DDHD2: variants seen among roughly 807,000 people sequenced by gnomAD.
The protein encoded by DDHD2 is triacylglycerol hydrolase DDHD2.
In DDHD2, 62 loss-of-function variants were observed where a neutral mutation model predicts 91.2. That is an observed-to-expected ratio of 0.68 (90% CI 0.55 to 0.84). The LOEUF (loss-of-function observed/expected upper bound fraction) is 0.84. Ranked by LOEUF, DDHD2 falls within the 40% of genes least tolerant of loss-of-function variation. The pLI is 0.00. For synonymous variants in DDHD2, 271 were observed against 293.9 expected (o/e 0.92, Z 0.80); for missense variants, 740 against 846.9 (o/e 0.87, Z 1.57).
downstream of DDHD2, chr8:38,266,329 T>C (rs759664256): frequency 6.2e-7 from 1 of 1,601,122 alleles, no homozygotes; most frequent in Admixed American, 1.7e-5. Context: ...AAGAAAAACT[T>C]TTAAGTGGTT....
Position 38,262,167 on chromosome 8 carries a change from T to G in DDHD2, c.*1594T>G, listed in dbSNP as rs1392023903. 2 of 152,180 alleles carry G rather than the reference T, an allele frequency of 1.3e-5. No individual in the cohort carries two copies. Among genetic ancestry groups the G allele is most frequent in the African/African-American group, 4.8e-5 (2 of 41,446 alleles). The allele number at this position is 152,180 out of a possible 1,614,324, so 9.4% of individuals were successfully genotyped here. A position where few individuals can be genotyped will look rare whatever the true frequency, so the allele number is the denominator to read the frequency against. ...CTAAGTTTCAGATATATGGAATACT[T>G]TATTTTTTTAAAGGTATATAAACTC... is the stretch of plus-strand genomic sequence containing the variant. On this transcript the variant is annotated 3_prime_UTR_variant, in exon 18 of 18. Transcript: ENST00000397166.
At chr8:38,240,624 T>A (rs566981814) in intron 6 of DDHD2, among the ~76,000 whole-genome samples, 2 of 152,354 alleles carry the variant, frequency 1.3e-5, no homozygotes, top group Admixed American at 1.3e-4. Flanking sequence ...GATGTGGTGG[T>A]CCTATTTCTA....
At position 38,244,622 on chromosome 8, in the gene DDHD2, A is replaced by G. The variant is rs149066557; in HGVS notation, c.849-1120A>G. ...GCACTGTTGCCTGGGCTGGAGTGCAATGGCACAATTTCGGCTCACTGCAAC... is the reference window on the plus strand; with the variant it reads ...GCACTGTTGCCTGGGCTGGAGTGCAGTGGCACAATTTCGGCTCACTGCAAC... On this transcript the variant is annotated intron_variant, in intron 7 of 17. Transcript: ENST00000397166. Among the ~76,000 whole-genome samples the G allele has an allele frequency of 4.2e-4, 60 of 144,408 alleles. No individual in the cohort carries two copies. The East Asian group carries it at 0.012, about 28-fold the overall frequency. 94.7% of individuals were successfully genotyped at this position (144,408 alleles called of 152,430 possible). A position where few individuals can be genotyped will look rare whatever the true frequency, so the allele number is the denominator to read the frequency against.
rs36055483 is a variant in DDHD2 at position 38,235,873 on chromosome 8, G to GCACACACACACA, written c.411+1306_411+1317dup. Among the ~76,000 whole-genome samples the GCACACACACACA allele has an allele frequency of 3.1e-3, 457 of 147,772 alleles. 1 individual carries two copies. Among genetic ancestry groups the GCACACACACACA allele is most frequent in the African/African-American group, 8.6e-3 (342 of 39,776 alleles). On this transcript the variant is annotated intron_variant, in intron 3 of 17. Coordinates refer to ENST00000397166, the MANE Select transcript of DDHD2 (RefSeq NM_015214.3). Reference sequence around the variant, plus strand: ...CACCACTACAAAAAAAAGTACACGCGCACACACACACACACACACACACAC... The same window carrying GCACACACACACA: ...CACCACTACAAAAAAAAGTACACGCGCACACACACACACACACACACACACACACACACACAC...
chr8:38,267,920 G>C (rs1406179941), intron 1 of DDHD2: 2 of 1,613,902 alleles, frequency 1.2e-6, no homozygotes, highest in Non-Finnish European at 1.7e-6. Context: ...GTTTTATTGT[G>C]TTGGTAAAGA....
Position 38,252,973 on chromosome 8 carries a change from G to C in DDHD2, c.1737G>C (p.Leu579Phe). The change falls in exon 15 of 18, where the codon TTG becomes TTC. Residue 579 changes from leucine (L) to phenylalanine (F), a missense_variant. Around this residue, in one of 2 missense-constraint regions of DDHD2, gnomAD observed 693 missense variants for 764.2 expected, o/e 0.91. Transcript: ENST00000397166. The stretch of plus-strand genomic sequence containing the variant: ...ATGTTTCAGAACTGAGAGAGGGCTT[G>C]ACCAGGATGAGTATGGACCTTAAGA... ...KRMHLELREGLTRMSMDLKNN... is the reference protein window; with the variant it reads ...KRMHLELREGFTRMSMDLKNN... 1 of 1,614,010 alleles carries C rather than the reference G, an allele frequency of 6.2e-7. No homozygotes were observed. Among genetic ancestry groups the C allele is most frequent in the Non-Finnish European group, 8.5e-7 (1 of 1,179,980 alleles).
intron 3 of DDHD2, among the ~76,000 whole-genome samples, chr8:38,235,873 G>GCGCACACA (rs1554511690): frequency 3.5e-4 from 52 of 147,780 alleles, no homozygotes; most frequent in Admixed American, 2.0e-3. Flanking sequence ...AAGTACACGC[G>GCGCACACA]CACACACACA....
intron 10 of DDHD2, 35 bp downstream of exon 10, chr8:38,247,870 A>G (rs1585736765): frequency 6.6e-7 from 1 of 1,504,670 alleles, no homozygotes; most frequent in Non-Finnish European, 8.9e-7. Flanking sequence ...ATGCCAAGCC[A>G]TTTTCAGTAT....
At chr8:38,236,886 A>C (rs769641433) in intron 3 of DDHD2, among the ~76,000 whole-genome samples, 2 of 151,784 alleles carry the variant, frequency 1.3e-5, no homozygotes, top group Non-Finnish European at 2.9e-5. Flanking sequence ...GCTGGTCTCG[A>C]ATGCCAGACC....
At position 38,246,267 on chromosome 8, in the gene DDHD2, G is replaced by A; in HGVS notation, c.1092G>A (p.Gln364=). The change falls in exon 9 of 18, where the codon CAG becomes CAA. Residue 364 remains glutamine, a synonymous_variant. Coordinates refer to ENST00000397166, the MANE Select transcript of DDHD2 (RefSeq NM_015214.3). Reference sequence around the variant, plus strand: ...TATTGTTTGATATCCTAACAAATCAGAAAGATTCTTTGGGGGATATTGACA... The same window carrying A: ...TATTGTTTGATATCCTAACAAATCAAAAAGATTCTTTGGGGGATATTGACA... The part of the protein sequence containing the change: ...SLILFDILTN[Q]KDSLGDIDSE... 1 of 1,609,648 alleles carries A rather than the reference G, an allele frequency of 6.2e-7. No homozygotes were observed. Among genetic ancestry groups the A allele is most frequent in the Non-Finnish European group, 8.5e-7 (1 of 1,176,760 alleles).
chr8:38,269,715 C>T (rs778706073), intron 1 of DDHD2: 13 of 153,994 alleles, frequency 8.4e-5, no homozygotes, highest in Non-Finnish European at 1.9e-4. Context: ...TTGGAACATA[C>T]AGGACAATTT....
intron 10 of DDHD2, among the ~76,000 whole-genome samples, chr8:38,249,160 T>C (rs1402856306): frequency 6.6e-6 from 1 of 151,846 alleles, no homozygotes; most frequent in African/African-American, 2.4e-5. Context: ...TTGCCCAGGC[T>C]GGAGTGCAGT....
downstream of DDHD2, chr8:38,267,358 A>C (rs1807796932): frequency 6.2e-7 from 1 of 1,613,770 alleles, no homozygotes. Flanking sequence ...CTAGCCCATC[A>C]GGGAAGCAGC....
downstream of DDHD2, chr8:38,266,555 C>A (rs1026679545): frequency 8.3e-6 from 3 of 363,342 alleles, no homozygotes; most frequent in East Asian, 1.7e-4. Flanking sequence ...TGTGTGCCAC[C>A]ATGCCCAGCT....
intron 6 of DDHD2, among the ~76,000 whole-genome samples, chr8:38,240,801 G>A (rs1047814183): frequency 2.0e-5 from 3 of 152,118 alleles, no homozygotes; most frequent in African/African-American, 4.8e-5. Context: ...GGCTGGGTGC[G>A]GTGGCTCACG....
rs770856612 is a variant in DDHD2 at position 38,240,312 on chromosome 8, C to G, written c.660C>G (p.Val220=). 2 of 1,609,966 alleles carry G rather than the reference C, an allele frequency of 1.2e-6. No individual in the cohort carries two copies. Among genetic ancestry groups the G allele is most frequent in the South Asian group, 1.1e-5 (1 of 90,634 alleles). The change falls in exon 6 of 18, where the codon GTC becomes GTG. Residue 220 remains valine, a synonymous_variant. Coordinates refer to ENST00000397166, the MANE Select transcript of DDHD2 (RefSeq NM_015214.3). The part of the protein sequence containing the change: ...PLQIDHLVFV[V]HGIGPACDLR... ...AAATAGATCACTTGGTTTTTGTAGT[C>G]CATGGGATTGGACCAGCTTGTGATC...
rs749254491 is a variant in DDHD2, at chr8:38,245,795, A to G, written c.902A>G (p.Asn301Ser). The G allele has an allele frequency of 1.2e-5, 20 of 1,614,042 alleles. No homozygotes were observed. The highest frequency in any genetic ancestry group is 1.5e-5 in the Non-Finnish European group (18 of 1,180,040). Residue 301 changes from asparagine (N) to serine (S), a missense_variant, in exon 8 of 18, where the codon AAT becomes AGT. Around this residue, in one of 2 missense-constraint regions of DDHD2, gnomAD observed 693 missense variants for 764.2 expected, o/e 0.91. Coordinates refer to ENST00000397166, the MANE Select transcript of DDHD2 (RefSeq NM_015214.3). ...ATTAACCGCCTCAGGCACTTCACCA[A>G]TGACACAATTCTGGATGTCTTCTTC... ...PSINRLRHFTNDTILDVFFYN... is the reference protein window; with the variant it reads ...PSINRLRHFTSDTILDVFFYN...
At chr8:38,272,712 T>C (rs1439220039), downstream of DDHD2, 1 of 152,256 alleles carries the variant, frequency 6.6e-6, no homozygotes, top group Non-Finnish European at 1.5e-5. Context: ...TATTTCATTG[T>C]TGGACAAGAA....
chr8:38,240,236 A>G, intron 5 of DDHD2, 39 bp from the exon 6 acceptor site: 1 of 1,262,744 alleles, frequency 7.9e-7, no homozygotes, highest in Non-Finnish European at 1.1e-6. Flanking sequence ...ATACATGACT[A>G]ATTATACAGA....
Sources: allele counts gnomAD v4.1 joint callset (sites outside exome capture counted in the v4.1 genomes callset), GRCh38; gene constraint gnomAD v4.1.1; regional missense constraint gnomAD v4.1.1; transcripts MANE v1.5; gene names NCBI Gene and HGNC (gene_info 2026-07-23, HGNC 2026-07-21).